The following TTC39C variants were observed in gnomAD, a reference collection of about 807,000 sequenced individuals.
The protein encoded by TTC39C is tetratricopeptide repeat protein 39C.
In TTC39C, 33 loss-of-function variants were observed where a neutral mutation model predicts 76.3. That is an observed-to-expected ratio of 0.43 (90% CI 0.33 to 0.58). TTC39C has a LOEUF of 0.58. Among genes scored for constraint, TTC39C ranks in the 20% least tolerant of loss-of-function variants. TTC39C has a pLI of 0.04. For missense variants in TTC39C, 595 were observed against 701.4 expected (o/e 0.85, Z 1.71); for synonymous variants, 254 against 260.6 (o/e 0.97, Z 0.24).
chr18:24,067,314 A>G (rs1200941557), intron 3 of TTC39C, among the ~76,000 whole-genome samples: 1 of 152,112 alleles, frequency 6.6e-6, no homozygotes, highest in Non-Finnish European at 1.5e-5. Context: ...CTCCATCCTC[A>G]CTGCCATCTC....
intron 6 of TTC39C, among the ~76,000 whole-genome samples, chr18:24,088,314 G>T (rs2084471549): frequency 6.6e-6 from 1 of 152,142 alleles, no homozygotes; most frequent in Non-Finnish European, 1.5e-5. Flanking sequence ...ATTTGTATTG[G>T]TGTATATTTG....
intron 6 of TTC39C, among the ~76,000 whole-genome samples, chr18:24,107,286 A>AACAC (rs10609672): frequency 6.6e-5 from 10 of 150,560 alleles, no homozygotes; most frequent in African/African-American, 1.7e-4. Context: ...ATCCTTCTCT[A>AACAC]ACACACACAC....
chr18:24,123,380 C>CTTTT (rs59549395), intron 8 of TTC39C, among the ~76,000 whole-genome samples: 20 of 129,778 alleles, frequency 1.5e-4, no homozygotes, highest in African/African-American at 4.5e-4. Flanking sequence ...GTGGAACAGT[C>CTTTT]TTTTTTTTGT....
chr18:24,061,238 T>A (rs66527111), intron 1 of TTC39C, among the ~76,000 whole-genome samples: 26,668 of 148,360 alleles, frequency 0.18, 2,409 homozygotes, highest in Admixed American at 0.25. Context: ...TTTTTTTTTT[T>A]TAAAAAAATA....
intron 10 of TTC39C, 54 bp downstream of exon 10, chr18:24,125,604 GTCAGTGCGGCATTCT>G (rs1218796309): frequency 1.2e-6 from 2 of 1,605,814 alleles, no homozygotes; most frequent in African/African-American, 2.7e-5. Flanking sequence ...GGCTTCTTCT[GTCAGTGCGGCATTCT>G]TCAGTTTCCC....
chr18:24,118,092 T>C (rs1380905051), intron 7 of TTC39C, 33 bp from the exon 8 acceptor site: 3 of 1,585,066 alleles, frequency 1.9e-6, no homozygotes, highest in Non-Finnish European at 2.6e-6. Context: ...CTCAGTACTT[T>C]AGGGTCATGT....
At chr18:24,078,513 G>T (rs1333373248) in intron 4 of TTC39C, among the ~76,000 whole-genome samples, 1 of 152,188 alleles carries the variant, frequency 6.6e-6, no homozygotes, top group Non-Finnish European at 1.5e-5. Context: ...GTTCGTTTGT[G>T]TTCCTTAGAT....
At chr18:24,113,775 C>A in intron 6 of TTC39C, 2 of 683,812 alleles carry the variant, frequency 2.9e-6, no homozygotes, top group Non-Finnish European at 5.3e-6. Context: ...TGTTGGCAGA[C>A]CCTGAGTGAC....
chr18:24,045,314 G>C (rs1320570541), intron 1 of TTC39C, among the ~76,000 whole-genome samples: 2 of 147,316 alleles, frequency 1.4e-5, no homozygotes, highest in African/African-American at 5.0e-5. Context: ...CAGCCCACCT[G>C]AGTGAGAATC....
At chr18:23,996,876 A>G (rs1398404414) in intron 1 of TTC39C, among the ~76,000 whole-genome samples, 2 of 152,098 alleles carry the variant, frequency 1.3e-5, no homozygotes, top group Non-Finnish European at 2.9e-5. Context: ...TTGGGAGGCC[A>G]AGGTGGGTGG....
intron 1 of TTC39C, among the ~76,000 whole-genome samples, chr18:24,001,832 T>TTTTTTTTTGG (rs2083314148): frequency 1.5e-5 from 2 of 134,356 alleles, no homozygotes; most frequent in African/African-American, 2.9e-5. Context: ...TGTTTTTTTT[T>TTTTTTTTTGG]TTTTTTTTTT....
intron 6 of TTC39C, among the ~76,000 whole-genome samples, chr18:24,098,785 C>T (rs2084633250): frequency 2.6e-5 from 4 of 151,610 alleles, no homozygotes; most frequent in Non-Finnish European, 5.9e-5. Flanking sequence ...GTGCCCAACA[C>T]CACACCTGGC....
rs112907260 is a variant in TTC39C at position 24,132,851 on chromosome 18, T to C, written c.*277T>C. 23 of 291,556 alleles carry C rather than the reference T, an allele frequency of 7.9e-5. No homozygotes were observed. The highest frequency in any genetic ancestry group is 4.3e-4 in the African/African-American group (20 of 46,004). 18.1% of individuals were successfully genotyped at this position (291,556 alleles called of 1,614,324 possible). On this transcript the variant is annotated 3_prime_UTR_variant, in exon 14 of 14. Coordinates refer to ENST00000317571, the MANE Select transcript of TTC39C (RefSeq NM_001135993.2). The stretch of plus-strand genomic sequence containing the variant: ...GCTCAAACGTTTTAGTTTTGTGATT[T>C]ATTATTTTTAAAATAAAATCAAACG...
At chr18:24,086,120 A>AT (rs1304818071) in intron 6 of TTC39C, among the ~76,000 whole-genome samples, 1 of 152,190 alleles carries the variant, frequency 6.6e-6, no homozygotes, top group South Asian at 2.1e-4. Flanking sequence ...CTTACAAAGA[A>AT]TTTTTTTTCT....
chr18:24,003,103 C>T (rs533230467), intron 1 of TTC39C, among the ~76,000 whole-genome samples: 8 of 152,320 alleles, frequency 5.3e-5, no homozygotes, highest in African/African-American at 1.9e-4. Flanking sequence ...ACCACCTCTC[C>T]TGCCTCGTCT....
chr18:24,056,430 C>G (rs182730218), intron 1 of TTC39C, among the ~76,000 whole-genome samples: 67 of 152,204 alleles, frequency 4.4e-4, no homozygotes, highest in Middle Eastern at 6.8e-3. Flanking sequence ...CAAAAAAATT[C>G]CAGCTATTCA....
Position 24,023,911 on chromosome 18 carries a change from A to G in TTC39C, c.167+8873A>G, listed in dbSNP as rs73402250. 8.4e-3 allele frequency among the ~76,000 whole-genome samples: 1,162 copies of G among 137,848 alleles called. 30 individuals are homozygous for G. The highest frequency in any genetic ancestry group is 0.028 in the African/African-American group (1,021 of 35,982). The allele number at this position is 137,848 out of a possible 152,430, so 90.4% of individuals were successfully genotyped here. A position where few individuals can be genotyped will look rare whatever the true frequency, so the allele number is the denominator to read the frequency against. On this transcript the variant is annotated intron_variant, in intron 1 of 13. Coordinates refer to ENST00000317571, the MANE Select transcript of TTC39C (RefSeq NM_001135993.2). ...TCATGCATACAATGTCTAAAAATCA[A>G]TAGAATGCCCAAATAAAATTACATA...
At chr18:23,996,271 A>G (rs1234484828) in intron 1 of TTC39C, among the ~76,000 whole-genome samples, 1 of 152,222 alleles carries the variant, frequency 6.6e-6, no homozygotes. Context: ...CATGGGCCAG[A>G]GAGATGGAAG....
chr18:24,049,147 A>G (rs958232698), intron 1 of TTC39C, among the ~76,000 whole-genome samples: 1 of 152,250 alleles, frequency 6.6e-6, no homozygotes, highest in African/African-American at 2.4e-5. Context: ...GCCAACGGTA[A>G]AGGCAGGAAA....
Sources: gnomAD v4.1 joint callset for allele counts (sites outside exome capture counted in the v4.1 genomes callset) on GRCh38, gnomAD v4.1.1 for gene constraint, MANE v1.5 for transcripts, NCBI Gene and HGNC (gene_info 2026-07-23, HGNC 2026-07-21) for gene names.